Variants in FOXP2 observed in about 807,000 individuals in gnomAD.
FOXP2 encodes the protein forkhead box protein P2.
Under a neutral mutation model 115.8 loss-of-function variants are expected in FOXP2, and 12 were observed. The observed-to-expected ratio is 0.10, with a 90% CI of 0.07 to 0.17. The LOEUF is 0.17. Ranked by LOEUF, FOXP2 falls within the 10% of genes least tolerant of loss-of-function variation. The probability of loss-of-function intolerance (pLI) is 1.00; values close to 1 mark genes in which losing one functional copy is unlikely to be tolerated. For missense variants in FOXP2, 629 were observed against 843.5 expected (o/e 0.75, Z 3.15); for synonymous variants, 328 against 297.7 (o/e 1.10, Z -1.05).
chr7:114,441,282 T>C (rs1220849610), intron 2 of FOXP2, among the ~76,000 whole-genome samples: 3 of 151,922 alleles, frequency 2.0e-5, no homozygotes, highest in East Asian at 3.9e-4. Context: ...ACCTCGTCTC[T>C]ACTAAAAATA....
intron 3 of FOXP2, among the ~76,000 whole-genome samples, chr7:114,595,733 G>C (rs895949919): frequency 5.3e-5 from 8 of 151,912 alleles, no homozygotes; most frequent in African/African-American, 1.9e-4. Context: ...GTCAAAAAAG[G>C]TGTAAGGATC....
rs1296298375 is a variant in FOXP2 at position 114,692,013 on chromosome 7, C to T, written c.*2087C>T. The T allele has an allele frequency of 6.6e-6, 3 of 451,248 alleles. No homozygotes were observed. Among genetic ancestry groups the T allele is most frequent in the South Asian group, 1.6e-5 (1 of 64,024 alleles). The allele number at this position is 451,248 out of a possible 1,614,324, so 28.0% of individuals were successfully genotyped here. On this transcript the variant is annotated 3_prime_UTR_variant, in exon 17 of 17. Coordinates refer to ENST00000350908, the MANE Select transcript of FOXP2 (RefSeq NM_014491.4). ...ATGAAACGTGAGAACGTCACAGTAACTGCTACTTTTCATTATGTTTGTCTT... is the reference window on the plus strand; with the variant it reads ...ATGAAACGTGAGAACGTCACAGTAATTGCTACTTTTCATTATGTTTGTCTT...
intron 2 of FOXP2, among the ~76,000 whole-genome samples, chr7:114,463,394 T>A (rs1485953007): frequency 6.6e-6 from 1 of 152,248 alleles, no homozygotes; most frequent in Non-Finnish European, 1.5e-5. Context: ...ACTATCCACA[T>A]GTGGCTACTG....
intron 2 of FOXP2, among the ~76,000 whole-genome samples, chr7:114,372,839 C>T (rs114091513): frequency 4.6e-5 from 7 of 152,120 alleles, no homozygotes; most frequent in Admixed American, 2.0e-4. Flanking sequence ...ATGTAGATTG[C>T]GTAACATGTT....
chr7:114,089,158 ATTG>A (rs1473797261), intron 1 of FOXP2, among the ~76,000 whole-genome samples: 1 of 152,118 alleles, frequency 6.6e-6, no homozygotes, highest in African/African-American at 2.4e-5. Context: ...ACACTATTTC[ATTG>A]TTATCTAAAA....
chr7:114,258,273 T>G (rs1562841171), intron 1 of FOXP2, among the ~76,000 whole-genome samples: 1 of 152,198 alleles, frequency 6.6e-6, no homozygotes, highest in Non-Finnish European at 1.5e-5. Flanking sequence ...AAAAACAGGA[T>G]GTACATGTGG....
intron 10 of FOXP2, among the ~76,000 whole-genome samples, chr7:114,654,975 A>C (rs1182897460): frequency 1.3e-5 from 2 of 152,150 alleles, no homozygotes; most frequent in African/African-American, 4.8e-5. Flanking sequence ...GATTATATTT[A>C]AACTCTGCTA....
intron 1 of FOXP2, among the ~76,000 whole-genome samples, chr7:114,168,310 GA>G (rs976883426): frequency 4.6e-5 from 7 of 152,158 alleles, no homozygotes; most frequent in Admixed American, 1.3e-4. Context: ...AAGACTTTTT[GA>G]ATGGCTTTGC....
intron 3 of FOXP2, among the ~76,000 whole-genome samples, chr7:114,626,766 C>G (rs1804616532): frequency 6.6e-6 from 1 of 151,648 alleles, no homozygotes; most frequent in African/African-American, 2.4e-5. Context: ...CTTGTTCTAA[C>G]CATTCTATTT....
intron 1 of FOXP2, among the ~76,000 whole-genome samples, chr7:114,286,234 A>G (rs746596655): frequency 6.6e-6 from 1 of 151,976 alleles, no homozygotes; most frequent in Non-Finnish European, 1.5e-5. Flanking sequence ...ATATGTATAT[A>G]TGAACTCTAT....
At chr7:114,139,849 A>G (rs1157160631) in intron 1 of FOXP2, among the ~76,000 whole-genome samples, 1 of 152,166 alleles carries the variant, frequency 6.6e-6, no homozygotes, top group African/African-American at 2.4e-5. Context: ...GCAGTGGCTC[A>G]TGCCTGTAAT....
At chr7:114,608,499 A>C (rs565762165) in intron 3 of FOXP2, among the ~76,000 whole-genome samples, 1 of 152,220 alleles carries the variant, frequency 6.6e-6, no homozygotes, top group Non-Finnish European at 1.5e-5. Context: ...AAAAGTGATC[A>C]CAGTAGTCAC....
chr7:114,162,372 A>G (rs1252456059), upstream of FOXP2, among the ~76,000 whole-genome samples: 5 of 152,146 alleles, frequency 3.3e-5, no homozygotes, highest in African/African-American at 1.2e-4. Context: ...CTTCAGTAGC[A>G]GTTTCCCAAC....
intron 2 of FOXP2, among the ~76,000 whole-genome samples, chr7:114,524,267 T>C (rs896593867): frequency 3.3e-5 from 5 of 152,148 alleles, no homozygotes; most frequent in Non-Finnish European, 7.4e-5. Context: ...AAAATTCCTT[T>C]ACAATATAAG....
chr7:114,316,959 A>G (rs1363499675), intron 2 of FOXP2, among the ~76,000 whole-genome samples: 2 of 152,182 alleles, frequency 1.3e-5, no homozygotes, highest in Non-Finnish European at 2.9e-5. Context: ...TTCTGGGTCC[A>G]TACAAAAACT....
At chr7:114,265,716 C>T (rs1275427266) in intron 1 of FOXP2, among the ~76,000 whole-genome samples, 1 of 151,942 alleles carries the variant, frequency 6.6e-6, no homozygotes, top group Non-Finnish European at 1.5e-5. Flanking sequence ...GTGTGTGCAC[C>T]CAGGCTTTCT....
At chr7:114,431,277 G>A (rs1050698365) in intron 2 of FOXP2, among the ~76,000 whole-genome samples, 1 of 151,908 alleles carries the variant, frequency 6.6e-6, no homozygotes, top group Non-Finnish European at 1.5e-5. Context: ...CCCAATTCCA[G>A]GGATGGGGCG....
At chr7:114,304,627 G>T (rs937580749) in intron 2 of FOXP2, among the ~76,000 whole-genome samples, 38 of 124,000 alleles carry the variant, frequency 3.1e-4, no homozygotes, top group African/African-American at 1.1e-3. Context: ...CCAAGATCGC[G>T]CAACTGCACT....
intron 1 of FOXP2, among the ~76,000 whole-genome samples, chr7:114,209,417 G>A (rs544646737): frequency 6.6e-6 from 1 of 152,266 alleles, no homozygotes; most frequent in African/African-American, 2.4e-5. Context: ...GCTTAGTTTG[G>A]CTGGATATGA....
Sources: allele counts gnomAD v4.1 joint callset (sites outside exome capture counted in the v4.1 genomes callset), GRCh38; gene constraint gnomAD v4.1.1; transcripts MANE v1.5; gene names NCBI Gene and HGNC (gene_info 2026-07-23, HGNC 2026-07-21).